Variants in NPAS3 observed in about 807,000 individuals in gnomAD.
NPAS3 encodes neuronal PAS domain protein 3, also known as neuronal PAS domain-containing protein 3.
In NPAS3, 14 loss-of-function variants were observed where a neutral mutation model predicts 73.1. That is an observed-to-expected ratio of 0.19 (90% CI 0.13 to 0.30). NPAS3 has a LOEUF of 0.30. Among genes scored for constraint, NPAS3 ranks in the 10% least tolerant of loss-of-function variants. The pLI is 1.00. For missense variants in NPAS3, 1,096 were observed against 1,250.0 expected (o/e 0.88, Z 1.86); for synonymous variants, 620 against 541.5 (o/e 1.14, Z -2.01).
intron 4 of NPAS3, among the ~76,000 whole-genome samples, chr14:33,555,452 A>C (rs2055310678): frequency 6.6e-6 from 1 of 152,198 alleles, no homozygotes; most frequent in Non-Finnish European, 1.5e-5. Flanking sequence ...CAGTTGAAAA[A>C]AAATTAAAAA....
At chr14:33,238,616 G>A (rs2048117632) in intron 3 of NPAS3, among the ~76,000 whole-genome samples, 3 of 151,888 alleles carry the variant, frequency 2.0e-5, no homozygotes, top group African/African-American at 7.2e-5. Context: ...AATTAAAATG[G>A]CAAAAGACGA....
intron 2 of NPAS3, among the ~76,000 whole-genome samples, chr14:33,061,144 G>A (rs776285659): frequency 2.6e-5 from 4 of 152,206 alleles, no homozygotes; most frequent in Non-Finnish European, 5.9e-5. Context: ...AACAAGACAG[G>A]CGCCTTGTCA....
intron 3 of NPAS3, among the ~76,000 whole-genome samples, chr14:33,260,783 T>G (rs2048948555): frequency 6.6e-6 from 1 of 152,308 alleles, no homozygotes; most frequent in African/African-American, 2.4e-5. Context: ...GTATAAACAC[T>G]TATTGTAGCT....
At chr14:32,939,801 G>A (rs532716527) in intron 1 of NPAS3, among the ~76,000 whole-genome samples, 6 of 151,944 alleles carry the variant, frequency 3.9e-5, no homozygotes, top group African/African-American at 9.7e-5. Flanking sequence ...GCTGGGGAGG[G>A]GGAGGGAAGG....
chr14:33,603,974 G>A (rs1247224194), intron 5 of NPAS3, among the ~76,000 whole-genome samples: 1 of 151,532 alleles, frequency 6.6e-6, no homozygotes, highest in South Asian at 2.1e-4. Flanking sequence ...GGCAGACTGT[G>A]ATAAGTTAAA....
At chr14:33,801,191 A>C, downstream of NPAS3, 1 of 1,510,628 alleles carries the variant, frequency 6.6e-7, no homozygotes, top group Non-Finnish European at 8.8e-7. Flanking sequence ...TAATTCTAGC[A>C]CTTTGAATTC....
At chr14:33,016,525 T>C (rs956798036) in intron 1 of NPAS3, among the ~76,000 whole-genome samples, 1 of 149,412 alleles carries the variant, frequency 6.7e-6, no homozygotes, top group Admixed American at 6.8e-5. Context: ...AGTGGTTGTC[T>C]AAGCATCACA....
chr14:33,571,640 G>A (rs371533862), intron 5 of NPAS3, among the ~76,000 whole-genome samples: 83 of 152,286 alleles, frequency 5.5e-4, no homozygotes, highest in African/African-American at 1.8e-3. Context: ...TTATATAAGT[G>A]CAAAAGGAGG....
intron 4 of NPAS3, among the ~76,000 whole-genome samples, chr14:33,367,783 A>C (rs1228403886): frequency 6.6e-6 from 1 of 152,138 alleles, no homozygotes; most frequent in Non-Finnish European, 1.5e-5. Flanking sequence ...ATATTTAAAA[A>C]TACTAGTAAA....
intron 4 of NPAS3, among the ~76,000 whole-genome samples, chr14:33,389,781 T>A (rs2046922687): frequency 6.6e-6 from 1 of 152,218 alleles, no homozygotes; most frequent in Non-Finnish European, 1.5e-5. Flanking sequence ...CATTTTCAGA[T>A]TTTTACAAAT....
chr14:33,723,780 T>C (rs2061184920), intron 6 of NPAS3, among the ~76,000 whole-genome samples: 1 of 151,960 alleles, frequency 6.6e-6, no homozygotes, highest in African/African-American at 2.4e-5. Flanking sequence ...AATGCCATTG[T>C]CTATCAACAC....
At chr14:32,989,576 C>T (rs372056636) in intron 1 of NPAS3, among the ~76,000 whole-genome samples, 8 of 151,680 alleles carry the variant, frequency 5.3e-5, no homozygotes, top group Admixed American at 3.3e-4. Flanking sequence ...CCCCAGGGGG[C>T]GGAGCCTGCA....
At position 33,661,524 on chromosome 14, in the gene NPAS3, C is replaced by T. The variant is rs568970263; in HGVS notation, c.559-14687C>T. 1.4e-4 allele frequency among the ~76,000 whole-genome samples: 22 copies of T among 152,320 alleles called. 1 individual carries two copies. Among genetic ancestry groups the T allele is most frequent in the Non-Finnish European group, 2.9e-4 (20 of 68,032 alleles). On this transcript the variant is annotated intron_variant, in intron 5 of 11. Coordinates refer to ENST00000356141, the Ensembl canonical transcript of NPAS3. ...ATGTCCAGAATTGCCACTTACTACA[C>T]TACTACTGTACAATGAATATTACAA...
intron 5 of NPAS3, among the ~76,000 whole-genome samples, chr14:33,663,987 A>AG (rs1567103141): frequency 2.0e-5 from 3 of 151,798 alleles, no homozygotes; most frequent in African/African-American, 7.3e-5. Context: ...AAAAAAAAAA[A>AG]CAGCTCCTGG....
chr14:33,434,383 C>T (rs1480119910), intron 4 of NPAS3, among the ~76,000 whole-genome samples: 2 of 151,774 alleles, frequency 1.3e-5, no homozygotes, highest in Admixed American at 6.6e-5. Flanking sequence ...AAACATTAGT[C>T]AGGCATGGTG....
intron 4 of NPAS3, among the ~76,000 whole-genome samples, chr14:33,410,141 G>T (rs2047858386): frequency 6.6e-6 from 1 of 152,032 alleles, no homozygotes; most frequent in Non-Finnish European, 1.5e-5. Context: ...GTAGGTCCAA[G>T]GAATTAAAAA....
chr14:32,958,889 T>G (rs1289182321), intron 1 of NPAS3, among the ~76,000 whole-genome samples: 4 of 152,212 alleles, frequency 2.6e-5, no homozygotes, highest in Admixed American at 1.3e-4. Context: ...GGTGGTAGTA[T>G]TATTTTGCTC....
intron 4 of NPAS3, among the ~76,000 whole-genome samples, chr14:33,459,337 A>G (rs2050156389): frequency 6.6e-6 from 1 of 152,222 alleles, no homozygotes; most frequent in African/African-American, 2.4e-5. Context: ...TCTGGTTCAC[A>G]TGCCTCTGAC....
At position 33,784,745 on chromosome 14, in the gene NPAS3, A is replaced by AT. The variant is rs1226491375; in HGVS notation, c.1153+6195dup. On this transcript the variant is annotated intron_variant, in intron 9 of 11. Transcript: ENST00000356141. ...TTTTTATTTATTTATTTATTTATTT[A>AT]TTTTTTTTTTTTTTTTTTTTTTGAG... Among the ~76,000 whole-genome samples the AT allele has an allele frequency of 3.3e-3, 244 of 73,836 alleles. 6 individuals are homozygous for AT. The highest frequency in any genetic ancestry group is 0.023 in the South Asian group (42 of 1,832). The allele number at this position is 73,836 out of a possible 152,430, so 48.4% of individuals were successfully genotyped here.
Sources: allele counts gnomAD v4.1 joint callset (sites outside exome capture counted in the v4.1 genomes callset), GRCh38; gene constraint gnomAD v4.1.1; transcripts MANE v1.5; gene names NCBI Gene and HGNC (gene_info 2026-07-23, HGNC 2026-07-21).